The following NAGPA variants were observed in gnomAD, a reference collection of about 807,000 sequenced individuals.
NAGPA encodes alpha-N-acetylglucosaminyl phosphodiesterase.
In NAGPA, 56 loss-of-function variants were observed where a neutral mutation model predicts 48.5. The ratio of observed to expected loss-of-function variants is 1.15; its 90% CI spans 0.93 to 1.44. The LOEUF is 1.44. NAGPA is among the 40% of genes most tolerant of loss of function. The pLI, the probability that NAGPA is intolerant of heterozygous loss-of-function variation, is 0.00. For synonymous variants in NAGPA, 399 were observed against 315.5 expected, an observed-to-expected ratio of 1.26 and a Z score of -2.81; for missense variants, 888 against 735.0, an observed-to-expected ratio of 1.21 and a Z score of -2.41.
chr16:5,033,611 G>T lies in NAGPA; in HGVS notation c.204C>A (p.Pro68=). 1 of 1,506,324 alleles carries T rather than the reference G, an allele frequency of 6.6e-7. No homozygotes were observed. Among genetic ancestry groups the T allele is most frequent in the Non-Finnish European group, 8.8e-7 (1 of 1,140,472 alleles). 93.3% of individuals were successfully genotyped at this position (1,506,324 alleles called of 1,614,324 possible). A position where few individuals can be genotyped will look rare whatever the true frequency, so the allele number is the denominator to read the frequency against. Residue 68 remains proline, a synonymous_variant, in exon 2 of 10, where the codon CCC becomes CCA. Coordinates refer to ENST00000312251, the MANE Select transcript of NAGPA (RefSeq NM_016256.4). This position sits in a 1 kb window ranked among gnomAD's most constrained non-coding sequence, Gnocchi z 4.2. The stretch of plus-strand genomic sequence containing the variant: ...CCAGACCGCCGGCGCCGGGAGTCGC[G>T]GGAGGCGGAGGCCAACTCTCGTGCT... ...NREHESWPPP[P]ATPGAGGLAV... is the part of the protein sequence containing the mutation.
Position 5,025,511 on chromosome 16 carries a change from C to T in NAGPA, c.1515G>A (p.Gln505=), listed in dbSNP as rs765970629. The part of the protein sequence containing the change: ...NGEPLAAEKE[Q]PGGAHNPFKD ...TGAAGGGGTTGTGGGCGCCCCCTGG[C>T]TGCTCCTTCTCTGCGGCCAGAGGCT... The change falls in exon 10 of 10, where the codon CAG becomes CAA. Residue 505 remains glutamine (Q), a synonymous_variant. Transcript: ENST00000312251. The T allele has an allele frequency of 1.2e-6, 2 of 1,612,522 alleles. No individual in the cohort carries two copies. Among genetic ancestry groups the T allele is most frequent in the African/African-American group, 2.7e-5 (2 of 74,898 alleles).
chr16:5,026,507 C>G (rs1956003651), intron 9 of NAGPA, among the ~76,000 whole-genome samples: 1 of 151,608 alleles, frequency 6.6e-6, no homozygotes, highest in Admixed American at 6.6e-5. Context: ...GCACTCCAGC[C>G]TAGGCAACAG....
chr16:5,028,711 G>A, intron 5 of NAGPA, 169 bp downstream of exon 5: 1 of 1,015,554 alleles, frequency 9.8e-7, no homozygotes, highest in Non-Finnish European at 1.5e-6. Flanking sequence ...AACTGACCCT[G>A]CTCCTAGGCC....
At position 5,033,559 on chromosome 16, in the gene NAGPA, TGAA is replaced by T; in HGVS notation, c.253_255del (p.Phe85del). ...AGGTGGCCGGCCACCGCGCGGTCCC[TGAA>T]GTGCGACACGAAGGTGCGCACGGCC... On this transcript the variant is annotated inframe_deletion, in exon 2 of 10. Coordinates refer to ENST00000312251, the MANE Select transcript of NAGPA (RefSeq NM_016256.4). The surrounding 1 kb of genome is among the most constrained non-coding windows in gnomAD (Gnocchi z 4.2). The T allele has an allele frequency of 6.6e-7, 1 of 1,505,784 alleles. No individual in the cohort carries two copies. Among genetic ancestry groups the T allele is most frequent in the Non-Finnish European group, 8.8e-7 (1 of 1,136,716 alleles). The allele number at this position is 1,505,784 out of a possible 1,614,324, so 93.3% of individuals were successfully genotyped here. A position where few individuals can be genotyped will look rare whatever the true frequency, so the allele number is the denominator to read the frequency against.
In NAGPA at chr16:5,027,290, T is replaced by A. The variant is rs367664804; in HGVS notation, c.1264A>T (p.Ser422Cys). Residue 422 changes from serine (S) to cysteine (C), a missense_variant, in exon 8 of 10, where the codon AGC (serine) becomes TGC (cysteine). By Grantham distance (112) the Ser-to-Cys change is moderately radical. Coordinates refer to ENST00000312251, the MANE Select transcript of NAGPA (RefSeq NM_016256.4). Reference protein sequence around the residue: ...CPCDPKTGNCSVSRVKQCLQP... With the variant: ...CPCDPKTGNCCVSRVKQCLQP... ...GAGGGATAGGTACCTCTGGAGACGC[T>A]GCAGTTGCCAGTCTTGGGGTCACAG... 310 of 1,614,218 alleles carry A rather than the reference T, an allele frequency of 1.9e-4. 2 individuals are homozygous for A. Among genetic ancestry groups the A allele is most frequent in the Middle Eastern group, 3.3e-4 (2 of 6,060 alleles).
chr16:5,032,475 G>C (rs1316023846), intron 2 of NAGPA, among the ~76,000 whole-genome samples: 1 of 148,030 alleles, frequency 6.8e-6, no homozygotes, highest in Non-Finnish European at 1.5e-5. Context: ...GGCCAATATG[G>C]TGAACCCACT....
Position 5,027,012 on chromosome 16 carries a change from C to T in NAGPA, c.1340+123G>A, listed in dbSNP as rs1046489591. On this transcript the variant is annotated intron_variant, in intron 9 of 9. Coordinates refer to ENST00000312251, the MANE Select transcript of NAGPA (RefSeq NM_016256.4). Reference sequence around the variant, plus strand: ...AAGCAGACAGTGGGGAGAGCTGGTCCCGCTTCCTCTAAGGCAGGGAGCTGG... The same window carrying T: ...AAGCAGACAGTGGGGAGAGCTGGTCTCGCTTCCTCTAAGGCAGGGAGCTGG... 4.8e-6 allele frequency: 6 copies of T among 1,238,986 alleles called. No individual in the cohort carries two copies. The African/African-American group carries it at 9.0e-5, about 19-fold the overall frequency. 76.7% of individuals were successfully genotyped at this position (1,238,986 alleles called of 1,614,324 possible). A position where few individuals can be genotyped will look rare whatever the true frequency, so the allele number is the denominator to read the frequency against.
At position 5,032,415 on chromosome 16, in the gene NAGPA, G is replaced by C. The variant is rs184505619; in HGVS notation, c.543-531C>G. ...TCACACCTGTCATCCCAGCACTTTG[G>C]GAGGCTGAGGTGGGTGGATCACTTG... On this transcript the variant is annotated intron_variant, in intron 2 of 9. Transcript: ENST00000312251. 8.7e-3 allele frequency among the ~76,000 whole-genome samples: 1,319 copies of C among 151,806 alleles called. 13 individuals are homozygous for C. The highest frequency in any genetic ancestry group is 0.024 in the Middle Eastern group (7 of 292).
chr16:5,030,779 C>T (rs1386936697), intron 3 of NAGPA: 3 of 485,244 alleles, frequency 6.2e-6, no homozygotes, highest in African/African-American at 5.9e-5. Flanking sequence ...CCTCCCCAGC[C>T]TCTTCCTCCT....
intron 7 of NAGPA, 45 bp from the exon 8 acceptor site, chr16:5,027,424 G>C (rs1241985306): frequency 1.3e-6 from 2 of 1,586,940 alleles, no homozygotes; most frequent in African/African-American, 1.3e-5. Flanking sequence ...GAGAAAGGTT[G>C]GGGCCTCCAG....
At chr16:5,028,336 G>T in intron 5 of NAGPA, 151 bp from the exon 6 acceptor site, 1 of 1,436,548 alleles carries the variant, frequency 7.0e-7, no homozygotes, top group South Asian at 1.2e-5. Flanking sequence ...ATGAGGTATT[G>T]CGATCCTTCC....
chr16:5,028,094 C>G lies in NAGPA; in HGVS notation c.1012G>C (p.Gly338Arg). Residue 338 changes from glycine (G) to arginine (R), a missense_variant, in exon 6 of 10, where the codon GGG becomes CGG. Coordinates refer to ENST00000312251, the MANE Select transcript of NAGPA (RefSeq NM_016256.4). ...RCQPPDCHGH[G>R]TCVDGHCQCT... ...TGGCAGTGCCCGTCCACGCAGGTCC[C>G]GTGGCCGTGGCAGTCAGGCGGCTGG... 4 of 1,612,706 alleles carry G rather than the reference C, an allele frequency of 2.5e-6. No individual in the cohort carries two copies. Among genetic ancestry groups the G allele is most frequent in the Non-Finnish European group, 3.4e-6 (4 of 1,179,526 alleles).
rs777596117 is a variant in NAGPA at position 5,028,127 on chromosome 16, G to T, written c.979C>A (p.Pro327Thr). ...TGGCAGTCAGGCGGCTGGCAGCGGG[G>T]TTCGTGCACACACACCACGGTGGAC... ...QVSTVVCVHE[P>T]RCQPPDCHGH... is the part of the protein sequence containing the mutation. Residue 327 changes from proline to threonine, a missense_variant, in exon 6 of 10, where the codon CCC (proline) becomes ACC (threonine). Transcript: ENST00000312251. The T allele has an allele frequency of 3.7e-6, 6 of 1,601,894 alleles. No homozygotes were observed. The South Asian group carries it at 4.5e-5, about 12-fold the overall frequency.
chr16:5,029,087 G>T (rs780004979), intron 4 of NAGPA, 79 bp from the exon 5 acceptor site: 23 of 1,596,972 alleles, frequency 1.4e-5, no homozygotes, highest in Non-Finnish European at 1.9e-5. Context: ...CCACAGTGCA[G>T]AGCATCACGC....
rs750922098 is a variant in NAGPA, at chr16:5,033,676, G to GGC, written c.137_138dup (p.Leu47AlafsTer49). On this transcript the variant is annotated frameshift_variant, in exon 2 of 10. Coordinates refer to ENST00000312251, the MANE Select transcript of NAGPA (RefSeq NM_016256.4). LOFTEE classifies it high-confidence loss of function. This position sits in a 1 kb window ranked among gnomAD's most constrained non-coding sequence, Gnocchi z 4.2. The stretch of plus-strand genomic sequence containing the variant: ...CGCACCCGTGTGCAGTCCCGGGGGA[G>GGC]GCGCGCGCGCGCGCGTGGATAGGGC... The GGC allele has an allele frequency of 8.5e-5, 135 of 1,591,594 alleles. No homozygotes were observed. The highest frequency in any genetic ancestry group is 1.0e-4 in the Non-Finnish European group (121 of 1,173,496).
chr16:5,027,269 G>T lies in NAGPA; in HGVS notation c.1276+9C>A. 6.2e-7 allele frequency: 1 copy of T among 1,614,212 alleles called. No homozygotes were observed. Among genetic ancestry groups the T allele is most frequent in the East Asian group, 2.2e-5 (1 of 44,884 alleles). ...CTGCCCATACCCCTCCCCTTGGAGG[G>T]ATAGGTACCTCTGGAGACGCTGCAG... On this transcript the variant is annotated intron_variant, in intron 8 of 9. Coordinates refer to ENST00000312251, the MANE Select transcript of NAGPA (RefSeq NM_016256.4).
Position 5,025,592 on chromosome 16 carries a change from C to T in NAGPA, c.1434G>A (p.Arg478=), listed in dbSNP as rs758517815. 12 of 1,613,956 alleles carry T rather than the reference C, an allele frequency of 7.4e-6. No homozygotes were observed. The highest frequency in any genetic ancestry group is 5.3e-5 in the African/African-American group (4 of 75,052). ...CATAGTCCCCATGCAGGCGCCGGTT[C>T]CTCTCTGCTCTGGACAGGAGCAAGG... ...NLSLLLSRAE[R]NRRLHGDYAY... The change falls in exon 10 of 10, where the codon AGG becomes AGA. Residue 478 remains arginine (R), a synonymous_variant. Coordinates refer to ENST00000312251, the MANE Select transcript of NAGPA (RefSeq NM_016256.4).
intron 5 of NAGPA, 103 bp downstream of exon 5, chr16:5,028,777 C>A: frequency 6.3e-7 from 1 of 1,579,488 alleles, no homozygotes; most frequent in Non-Finnish European, 8.6e-7. Context: ...TCTCTTGAAC[C>A]CCCGGGGCCT....
intron 4 of NAGPA, 166 bp from the exon 5 acceptor site, chr16:5,029,174 G>C: frequency 9.0e-7 from 1 of 1,116,802 alleles, no homozygotes; most frequent in Non-Finnish European, 1.3e-6. Context: ...CTGTGAACAC[G>C]TGAGATCACA....
Sources: gnomAD v4.1 joint callset for allele counts (sites outside exome capture counted in the v4.1 genomes callset) on GRCh38, gnomAD v4.1.1 for gene constraint, Gnocchi (gnomAD v3.1) non-coding constraint, MANE v1.5 for transcripts, NCBI Gene and HGNC (gene_info 2026-07-23, HGNC 2026-07-21) for gene names.